PLXDC2: variants seen among roughly 807,000 people sequenced by gnomAD.
The protein encoded by PLXDC2 is plexin domain containing 2.
In PLXDC2, 40 loss-of-function variants were observed where a neutral mutation model predicts 68.9. That is an observed-to-expected ratio of 0.58 (90% CI 0.45 to 0.76). The LOEUF is 0.76. Among genes scored for constraint, PLXDC2 ranks in the 30% least tolerant of loss-of-function variants. The pLI, the probability that PLXDC2 is intolerant of heterozygous loss-of-function variation, is 0.00. For synonymous variants in PLXDC2, 243 were observed against 234.2 expected, an observed-to-expected ratio of 1.04 and a Z score of -0.34; for missense variants, 644 against 661.9, an observed-to-expected ratio of 0.97 and a Z score of 0.30.
chr10:20,028,399 A>T (rs1164424116), intron 2 of PLXDC2, among the ~76,000 whole-genome samples: 2 of 152,194 alleles, frequency 1.3e-5, no homozygotes, highest in Non-Finnish European at 2.9e-5. Context: ...ATAGAAATGC[A>T]GGTGTTATTT....
At chr10:20,043,392 T>A (rs2131678467) in intron 2 of PLXDC2, 1 of 152,288 alleles carries the variant, frequency 6.6e-6, no homozygotes, top group Middle Eastern at 3.4e-3. Flanking sequence ...ACTTCGTAAT[T>A]AGACTAAATC....
chr10:19,930,739 G>C (rs1366875038), intron 1 of PLXDC2, among the ~76,000 whole-genome samples: 1 of 152,150 alleles, frequency 6.6e-6, no homozygotes. Context: ...GAGGTGGGTG[G>C]GTCACCTGAG....
intron 1 of PLXDC2, among the ~76,000 whole-genome samples, chr10:19,920,163 G>A (rs1009708725): frequency 6.6e-6 from 1 of 152,174 alleles, no homozygotes; most frequent in South Asian, 2.1e-4. Context: ...TCATGGTTGC[G>A]TGTGATACGG....
intron 6 of PLXDC2, among the ~76,000 whole-genome samples, chr10:20,149,483 C>T (rs1834124411): frequency 6.6e-6 from 1 of 152,024 alleles, no homozygotes; most frequent in South Asian, 2.1e-4. Flanking sequence ...AGGTGATCCT[C>T]CTGCCTCGGC....
At chr10:20,243,560 T>G (rs1432440019) in intron 12 of PLXDC2, among the ~76,000 whole-genome samples, 1 of 152,078 alleles carries the variant, frequency 6.6e-6, no homozygotes, top group East Asian at 1.9e-4. Flanking sequence ...TGGAAAGAAT[T>G]AGGAGGTCAT....
chr10:20,060,258 C>A (rs933202009), intron 3 of PLXDC2, among the ~76,000 whole-genome samples: 4 of 149,626 alleles, frequency 2.7e-5, no homozygotes, highest in Admixed American at 6.8e-5. Flanking sequence ...AAACTCCTGG[C>A]CTCAAGTGAT....
chr10:19,838,054 A>G (rs763996628), intron 1 of PLXDC2, among the ~76,000 whole-genome samples: 1 of 152,114 alleles, frequency 6.6e-6, no homozygotes, highest in Non-Finnish European at 1.5e-5. Context: ...ACTGGAGTGC[A>G]GTGGTACGAT....
chr10:19,912,320 A>G (rs1833288539), intron 1 of PLXDC2, among the ~76,000 whole-genome samples: 1 of 152,228 alleles, frequency 6.6e-6, no homozygotes, highest in African/African-American at 2.4e-5. Context: ...TTGAAATAAA[A>G]TTCATCAAAT....
chr10:20,016,266 G>A (rs1835207990), intron 2 of PLXDC2, among the ~76,000 whole-genome samples: 2 of 152,142 alleles, frequency 1.3e-5, no homozygotes, highest in East Asian at 1.9e-4. Context: ...GTGTTTAACT[G>A]AGGGTTAGAC....
In PLXDC2 at chr10:19,935,515, C is replaced by G. The variant is rs922337129; in HGVS notation, c.113-66260C>G. Among the ~76,000 whole-genome samples the G allele has an allele frequency of 2.6e-5, 4 of 152,178 alleles. No individual in the cohort carries two copies. The East Asian group carries it at 7.7e-4, about 29-fold the overall frequency. ...TATGTCCAGGAAGCACACCTGGGAG[C>G]TCAGGCTGGACGTGCCACCACTTCC... is the stretch of plus-strand genomic sequence containing the variant. On this transcript the variant is annotated intron_variant, in intron 1 of 13. Coordinates refer to ENST00000377252, the MANE Select transcript of PLXDC2 (RefSeq NM_032812.9).
chr10:19,881,872 C>A (rs1225190613), intron 1 of PLXDC2, among the ~76,000 whole-genome samples: 1 of 152,198 alleles, frequency 6.6e-6, no homozygotes, highest in Non-Finnish European at 1.5e-5. Context: ...TGTTACTATG[C>A]AAAGCCCATA....
At chr10:20,075,136 C>A (rs1016865258) in intron 4 of PLXDC2, among the ~76,000 whole-genome samples, 21 of 152,154 alleles carry the variant, frequency 1.4e-4, no homozygotes, top group African/African-American at 5.1e-4. Context: ...CTTACTCCTC[C>A]CTCAAACTGT....
intron 2 of PLXDC2, among the ~76,000 whole-genome samples, chr10:20,035,728 A>G (rs537398706): frequency 2.0e-5 from 3 of 152,140 alleles, no homozygotes; most frequent in African/African-American, 7.2e-5. Flanking sequence ...AAAAAAGTAT[A>G]TGTTTACCTT....
chr10:20,180,716 A>G (rs1217147425), intron 9 of PLXDC2, among the ~76,000 whole-genome samples: 2 of 152,068 alleles, frequency 1.3e-5, no homozygotes, highest in Non-Finnish European at 2.9e-5. Context: ...TCCATTTTTC[A>G]AGGAGCAAAA....
intron 1 of PLXDC2, among the ~76,000 whole-genome samples, chr10:19,959,026 A>G (rs1375189169): frequency 1.3e-5 from 2 of 152,188 alleles, no homozygotes; most frequent in Non-Finnish European, 2.9e-5. Flanking sequence ...TTGAAACAGA[A>G]AGCAACATAG....
chr10:20,179,240 C>A (rs1403747273), intron 9 of PLXDC2, among the ~76,000 whole-genome samples: 1 of 152,230 alleles, frequency 6.6e-6, no homozygotes, highest in South Asian at 2.1e-4. Flanking sequence ...CTGGGCAAGC[C>A]GCCATCATTA....
At chr10:19,898,257 T>A (rs965602331) in intron 1 of PLXDC2, among the ~76,000 whole-genome samples, 1 of 152,192 alleles carries the variant, frequency 6.6e-6, no homozygotes, top group African/African-American at 2.4e-5. Flanking sequence ...TAGAGTATAT[T>A]GTGTGATGTT....
At chr10:20,068,145 T>C in intron 3 of PLXDC2, 25 bp from the exon 4 acceptor site, 1 of 1,590,786 alleles carries the variant, frequency 6.3e-7, no homozygotes, top group Middle Eastern at 1.7e-4. Context: ...TTATTGATTT[T>C]TTTCTCTGGT....
rs373852282 is a variant in PLXDC2 at position 20,149,799 on chromosome 10, T to C, written c.783+1897T>C. On this transcript the variant is annotated intron_variant, in intron 6 of 13. Transcript: ENST00000377252. Reference sequence around the variant, plus strand: ...TATTCCATGGTGTATATGTACCTGGTTTTCTTTATCCAGTCTATCATTGGT... The same window carrying C: ...TATTCCATGGTGTATATGTACCTGGCTTTCTTTATCCAGTCTATCATTGGT... Among the ~76,000 whole-genome samples, 10 of 152,142 alleles carry C rather than the reference T, an allele frequency of 6.6e-5. No individual in the cohort carries two copies. In the East Asian group the frequency reaches 9.6e-4, roughly 15 times the overall value.
Sources: gnomAD v4.1 joint callset for allele counts (sites outside exome capture counted in the v4.1 genomes callset) on GRCh38, gnomAD v4.1.1 for gene constraint, MANE v1.5 for transcripts, NCBI Gene and HGNC (gene_info 2026-07-23, HGNC 2026-07-21) for gene names.